The following ATRNL1 variants were observed in gnomAD, a reference collection of about 807,000 sequenced individuals.
The protein encoded by ATRNL1 is attractin like 1.
A neutral mutation model predicts 182.7 loss-of-function variants in ATRNL1; 95 were observed. The observed-to-expected ratio is 0.52, with a 90% CI of 0.44 to 0.62. ATRNL1 has a LOEUF of 0.62. ATRNL1 is among the 20% of genes least tolerant of loss of function. ATRNL1 has a pLI of 0.00. For missense variants in ATRNL1, 1,471 were observed against 1,679.5 expected (o/e 0.88, Z 2.17); for synonymous variants, 576 against 568.3 (o/e 1.01, Z -0.19).
At chr10:115,637,608 A>ATTATTG (rs1298025801) in intron 26 of ATRNL1, among the ~76,000 whole-genome samples, 1 of 94,674 alleles carries the variant, frequency 1.1e-5, no homozygotes, top group East Asian at 3.6e-4. Context: ...TATTACTATT[A>ATTATTG]TTATTATTAT....
intron 10 of ATRNL1, among the ~76,000 whole-genome samples, chr10:115,248,004 A>T (rs1383402767): frequency 6.6e-6 from 1 of 152,166 alleles, no homozygotes; most frequent in Non-Finnish European, 1.5e-5. Context: ...AGAACAGAGG[A>T]TACTAGAGTC....
At chr10:115,886,542 CATT>C (rs1256097912) in intron 28 of ATRNL1, among the ~76,000 whole-genome samples, 1 of 152,066 alleles carries the variant, frequency 6.6e-6, no homozygotes, top group African/African-American at 2.4e-5. Flanking sequence ...AGAACAAAAA[CATT>C]AGTAACTCTA....
At chr10:115,149,761 A>T (rs1846133571) in intron 5 of ATRNL1, among the ~76,000 whole-genome samples, 1 of 151,492 alleles carries the variant, frequency 6.6e-6, no homozygotes, top group African/African-American at 2.4e-5. Context: ...TTGCATCTGT[A>T]TTCATCAGGG....
intron 27 of ATRNL1, among the ~76,000 whole-genome samples, chr10:115,796,396 A>G (rs1555082951): frequency 6.6e-6 from 1 of 152,048 alleles, no homozygotes; most frequent in Non-Finnish European, 1.5e-5. Context: ...CTTTAGGACT[A>G]AATTGTTGAA....
At chr10:115,429,921 A>C (rs1371342615) in intron 21 of ATRNL1, among the ~76,000 whole-genome samples, 1 of 152,042 alleles carries the variant, frequency 6.6e-6, no homozygotes, top group Non-Finnish European at 1.5e-5. Context: ...CAAAAACAAA[A>C]TTAGCCGGGC....
chr10:115,594,669 T>A (rs746179147), intron 26 of ATRNL1, among the ~76,000 whole-genome samples: 1 of 152,134 alleles, frequency 6.6e-6, no homozygotes, highest in African/African-American at 2.4e-5. Context: ...ACTACCTGCT[T>A]AATTTTTGTG....
chr10:115,296,240 G>A (rs1236712601), intron 15 of ATRNL1, among the ~76,000 whole-genome samples: 1 of 152,132 alleles, frequency 6.6e-6, no homozygotes, highest in African/African-American at 2.4e-5. Flanking sequence ...CAAAGGCTGG[G>A]TGCCTCCATG....
At chr10:115,469,084 A>G in intron 23 of ATRNL1, 88 bp from the exon 24 acceptor site, 1 of 442,604 alleles carries the variant, frequency 2.3e-6, no homozygotes, top group Admixed American at 4.6e-5. Flanking sequence ...TTATTTTTAT[A>G]AGAGCAATTA....
At chr10:115,411,823 A>T (rs1034369425) in intron 20 of ATRNL1, among the ~76,000 whole-genome samples, 9 of 152,112 alleles carry the variant, frequency 5.9e-5, no homozygotes, top group Non-Finnish European at 1.3e-4. Context: ...TTATTATGTG[A>T]ATTAGATTAG....
At chr10:115,256,062 C>T (rs1326012467) in intron 10 of ATRNL1, among the ~76,000 whole-genome samples, 1 of 152,226 alleles carries the variant, frequency 6.6e-6, no homozygotes, top group Non-Finnish European at 1.5e-5. Context: ...AGGATTTTCA[C>T]ATCGATGTTC....
intron 26 of ATRNL1, among the ~76,000 whole-genome samples, chr10:115,599,524 C>T (rs1364450202): frequency 8.9e-6 from 1 of 111,832 alleles, no homozygotes; most frequent in Non-Finnish European, 2.0e-5. Flanking sequence ...GTAAAGTAAA[C>T]CCGGATTTTT....
At chr10:115,186,513 A>G (rs1271031650) in intron 8 of ATRNL1, among the ~76,000 whole-genome samples, 5 of 152,180 alleles carry the variant, frequency 3.3e-5, no homozygotes, top group African/African-American at 1.2e-4. Flanking sequence ...TATACAATGG[A>G]GTACCATTCA....
intron 25 of ATRNL1, among the ~76,000 whole-genome samples, chr10:115,533,943 G>C (rs1368767356): frequency 6.8e-6 from 1 of 147,176 alleles, no homozygotes; most frequent in East Asian, 2.0e-4. Flanking sequence ...CTGAGTTCTA[G>C]TTTGATTGCA....
intron 19 of ATRNL1, among the ~76,000 whole-genome samples, chr10:115,390,510 TG>T (rs1179019091): frequency 1.3e-5 from 2 of 152,230 alleles, no homozygotes; most frequent in African/African-American, 4.8e-5. Flanking sequence ...AGTTTATTGC[TG>T]GGCTCTATAT....
At chr10:115,557,934 A>G (rs2133828334) in intron 26 of ATRNL1, among the ~76,000 whole-genome samples, 1 of 152,080 alleles carries the variant, frequency 6.6e-6, no homozygotes, top group African/African-American at 2.4e-5. Context: ...AGTCCCAAGT[A>G]CTTGGGAGGC....
At chr10:115,594,971 A>G (rs1177985280) in intron 26 of ATRNL1, among the ~76,000 whole-genome samples, 1 of 152,202 alleles carries the variant, frequency 6.6e-6, no homozygotes, top group Non-Finnish European at 1.5e-5. Flanking sequence ...ATTGAGGTGT[A>G]ATTTGCATAC....
At chr10:115,810,474 C>CT (rs1376300203) in intron 27 of ATRNL1, among the ~76,000 whole-genome samples, 1 of 151,816 alleles carries the variant, frequency 6.6e-6, no homozygotes, top group Non-Finnish European at 1.5e-5. Flanking sequence ...CATAAAAGAA[C>CT]TTGATGGTTT....
intron 24 of ATRNL1, among the ~76,000 whole-genome samples, chr10:115,511,299 T>A (rs373515984): frequency 2.6e-5 from 4 of 151,958 alleles, no homozygotes; most frequent in Admixed American, 6.6e-5. Context: ...TTATTTATAT[T>A]TTTTAAAAGA....
At chr10:115,109,732 T>C (rs1162759163) in intron 1 of ATRNL1, among the ~76,000 whole-genome samples, 2 of 152,196 alleles carry the variant, frequency 1.3e-5, no homozygotes, top group Non-Finnish European at 2.9e-5. Flanking sequence ...CAGAATTGCC[T>C]CACAATTAAA....
Sources: allele counts gnomAD v4.1 joint callset (sites outside exome capture counted in the v4.1 genomes callset), GRCh38; gene constraint gnomAD v4.1.1; transcripts MANE v1.5; gene names NCBI Gene and HGNC (gene_info 2026-07-23, HGNC 2026-07-21).